The following CSMD3 variants were observed in gnomAD, a reference collection of about 807,000 sequenced individuals.
CSMD3 encodes CUB and Sushi multiple domains 3.
CSMD3 carries 177 observed loss-of-function variants against 435.2 expected under a neutral mutation model. That is an observed-to-expected ratio of 0.41 (90% CI 0.36 to 0.46). The LOEUF is 0.46. Among genes scored for constraint, CSMD3 ranks in the 20% least tolerant of loss-of-function variants. The pLI is 0.34. For missense variants in CSMD3, 4,265 were observed against 4,504.6 expected (o/e 0.95, Z 1.52); for synonymous variants, 1,656 against 1,520.5 (o/e 1.09, Z -2.07).
At chr8:112,610,710 G>A (rs980609483) in intron 22 of CSMD3, among the ~76,000 whole-genome samples, 9 of 152,018 alleles carry the variant, frequency 5.9e-5, no homozygotes, top group Non-Finnish European at 1.3e-4. Flanking sequence ...AACAAAAAAA[G>A]GCACATGAGG....
chr8:113,002,256 T>G (rs898981398), intron 6 of CSMD3, among the ~76,000 whole-genome samples: 3 of 152,128 alleles, frequency 2.0e-5, no homozygotes, highest in African/African-American at 7.2e-5. Flanking sequence ...GCTTTGAATT[T>G]AGGTGTCCTT....
intron 55 of CSMD3, 115 bp downstream of exon 55, chr8:112,292,422 G>T: frequency 3.1e-6 from 3 of 955,542 alleles, no homozygotes; most frequent in Admixed American, 1.9e-5. Context: ...AAAGCTTTTT[G>T]TTTTATTAGA....
intron 27 of CSMD3, among the ~76,000 whole-genome samples, chr8:112,519,670 A>AC (rs2131005233): frequency 6.6e-6 from 1 of 152,296 alleles, no homozygotes; most frequent in South Asian, 2.1e-4. Flanking sequence ...CATTTAAAAC[A>AC]CCATGCTATG....
chr8:113,063,494 T>C (rs2088706916), intron 5 of CSMD3, among the ~76,000 whole-genome samples: 1 of 151,976 alleles, frequency 6.6e-6, no homozygotes, highest in Non-Finnish European at 1.5e-5. Flanking sequence ...GCTAATGAAA[T>C]AGTGACAAGA....
chr8:112,496,930 ATTTAAAAATAACTAAAAGAGTATAG>A (rs996183364), intron 30 of CSMD3, among the ~76,000 whole-genome samples: 6 of 152,210 alleles, frequency 3.9e-5, no homozygotes, highest in African/African-American at 1.4e-4. Flanking sequence ...TTAATTGTAC[ATTTAAAAATAACTAAAAGAGTATAG>A]TTTGATTGTT....
intron 57 of CSMD3, 46 bp from the exon 58 acceptor site, chr8:112,287,292 A>G (rs1395300035): frequency 1.9e-6 from 3 of 1,593,602 alleles, no homozygotes. Context: ...ATAAACATTT[A>G]TTAAGTTTAC....
chr8:112,895,322 T>C (rs1457936572), intron 10 of CSMD3, among the ~76,000 whole-genome samples: 1 of 151,424 alleles, frequency 6.6e-6, no homozygotes, highest in Non-Finnish European at 1.5e-5. Context: ...ATTTCAGCAA[T>C]GACGGTAAGT....
intron 37 of CSMD3, among the ~76,000 whole-genome samples, chr8:112,382,618 A>G (rs953896625): frequency 1.3e-4 from 20 of 152,216 alleles, no homozygotes; most frequent in African/African-American, 4.8e-4. Flanking sequence ...GTAAAAAATT[A>G]ACAAAGTAAA....
intron 10 of CSMD3, among the ~76,000 whole-genome samples, chr8:112,868,482 A>G (rs2130001548): frequency 6.6e-6 from 1 of 152,298 alleles, no homozygotes; most frequent in African/African-American, 2.4e-5. Flanking sequence ...TTACACCAGT[A>G]TCACCAAAAA....
intron 1 of CSMD3, among the ~76,000 whole-genome samples, chr8:113,394,767 T>C (rs1275412404): frequency 6.6e-6 from 1 of 152,102 alleles, no homozygotes; most frequent in East Asian, 1.9e-4. Flanking sequence ...AGACTCTGCA[T>C]TCAAGAAATT....
Position 112,409,001 on chromosome 8 carries a change from T to A in CSMD3, c.5427A>T (p.Thr1809=). The part of the protein sequence containing the change: ...VVFGQFVFFQ[T]SLHDVVEVYD... The stretch of plus-strand genomic sequence containing the variant: ...ACACCTCAACAACATCGTGGAGTGA[T>A]GTCTGGAAAAATACAAACTGGCCAA... The change falls in exon 33 of 71, where the codon ACA becomes ACT. Residue 1809 remains threonine (T), a synonymous_variant. Transcript: ENST00000297405. 1 of 1,613,524 alleles carries A rather than the reference T, an allele frequency of 6.2e-7. No individual in the cohort carries two copies. Among genetic ancestry groups the A allele is most frequent in the Non-Finnish European group, 8.5e-7 (1 of 1,179,674 alleles).
chr8:112,756,532 A>G (rs1287087142), intron 13 of CSMD3, among the ~76,000 whole-genome samples: 1 of 152,206 alleles, frequency 6.6e-6, no homozygotes, highest in Admixed American at 6.5e-5. Context: ...TCATGGAAGA[A>G]CACTTTCCAG....
intron 31 of CSMD3, among the ~76,000 whole-genome samples, chr8:112,476,235 G>A (rs1414316673): frequency 6.6e-6 from 1 of 152,012 alleles, no homozygotes; most frequent in Non-Finnish European, 1.5e-5. Context: ...TAGTAGGGAT[G>A]GGGTTTTACC....
intron 32 of CSMD3, among the ~76,000 whole-genome samples, chr8:112,457,218 A>G (rs912264721): frequency 1.3e-5 from 2 of 152,020 alleles, no homozygotes; most frequent in Non-Finnish European, 2.9e-5. Context: ...AAATAATTGG[A>G]CACATGCTTG....
chr8:112,970,394 T>C (rs796624925), intron 7 of CSMD3, among the ~76,000 whole-genome samples: 86 of 57,600 alleles, frequency 1.5e-3, no homozygotes, highest in African/African-American at 5.7e-3. Context: ...AGACTCCCTC[T>C]CAAAAAAAAA....
intron 14 of CSMD3, among the ~76,000 whole-genome samples, chr8:112,687,737 G>A (rs1027423038): frequency 6.6e-6 from 1 of 151,992 alleles, no homozygotes; most frequent in East Asian, 1.9e-4. Flanking sequence ...TTGCAGATGT[G>A]TTTGGCTTGA....
At chr8:112,933,952 C>T (rs1200522742) in intron 9 of CSMD3, among the ~76,000 whole-genome samples, 4 of 152,052 alleles carry the variant, frequency 2.6e-5, no homozygotes, top group African/African-American at 4.8e-5. Flanking sequence ...GGAAGATCAG[C>T]AACAACCTTT....
At chr8:112,927,699 A>T (rs1474642101) in intron 9 of CSMD3, among the ~76,000 whole-genome samples, 1 of 152,124 alleles carries the variant, frequency 6.6e-6, no homozygotes, top group Non-Finnish European at 1.5e-5. Context: ...TTTCTTCAAA[A>T]CATAATGAAT....
chr8:112,519,402 T>G (rs2853242), intron 27 of CSMD3, among the ~76,000 whole-genome samples: 2 of 152,114 alleles, frequency 1.3e-5, no homozygotes, highest in Non-Finnish European at 2.9e-5. Context: ...GAGTTTGACC[T>G]GTAAAATCCC....
Sources: gnomAD v4.1 joint callset for allele counts (sites outside exome capture counted in the v4.1 genomes callset) on GRCh38, gnomAD v4.1.1 for gene constraint, MANE v1.5 for transcripts, NCBI Gene and HGNC (gene_info 2026-07-23, HGNC 2026-07-21) for gene names.